CREB5: variants seen among roughly 807,000 people sequenced by gnomAD.
CREB5 encodes cAMP responsive element binding protein 5.
In CREB5, 19 loss-of-function variants were observed where a neutral mutation model predicts 57.1. The ratio of observed to expected loss-of-function variants is 0.33; its 90% CI spans 0.23 to 0.49. The LOEUF (loss-of-function observed/expected upper bound fraction) is 0.49, where lower values mean the gene tolerates loss of function less well. CREB5 is among the 20% of genes least tolerant of loss of function. CREB5 has a pLI of 0.99. For synonymous variants in CREB5, 238 were observed against 238.3 expected (o/e 1.00, Z 0.01); for missense variants, 579 against 671.6 (o/e 0.86, Z 1.52).
intron 1 of CREB5, among the ~76,000 whole-genome samples, chr7:28,330,117 A>G (rs149183838): frequency 6.6e-6 from 1 of 152,338 alleles, no homozygotes; most frequent in East Asian, 1.9e-4. Context: ...TTCAAAGGAC[A>G]TCTGCAAATC....
At chr7:28,767,120 G>A (rs1415747599) in intron 7 of CREB5, among the ~76,000 whole-genome samples, 1 of 152,176 alleles carries the variant, frequency 6.6e-6, no homozygotes, top group African/African-American at 2.4e-5. Flanking sequence ...AAGATCTTGT[G>A]TTTTGTCTTC....
intron 5 of CREB5, among the ~76,000 whole-genome samples, chr7:28,697,889 T>C (rs1325852148): frequency 1.3e-5 from 2 of 152,238 alleles, no homozygotes; most frequent in Non-Finnish European, 2.9e-5. Context: ...TTCAGCAGGT[T>C]CTTGATTTTT....
At position 28,809,723 on chromosome 7, in the gene CREB5, G is replaced by A. The variant is rs561911212; in HGVS notation, c.1254+309G>A. Among the ~76,000 whole-genome samples, 3 of 152,320 alleles carry A rather than the reference G, an allele frequency of 2.0e-5. No individual in the cohort carries two copies. In the South Asian group the frequency reaches 6.2e-4, roughly 32 times the overall value. ...CCATGGTTCAGCAATTACTTGCTAG[G>A]CTTAACTCTCTGGCTCTCAGTTTCT... is the stretch of plus-strand genomic sequence containing the variant. On this transcript the variant is annotated intron_variant, in intron 9 of 10. Coordinates refer to ENST00000357727, the MANE Select transcript of CREB5 (RefSeq NM_182898.4).
chr7:28,730,781 G>A (rs1803575557), intron 7 of CREB5, among the ~76,000 whole-genome samples: 1 of 152,286 alleles, frequency 6.6e-6, no homozygotes, highest in South Asian at 2.1e-4. Context: ...GACACAGAGA[G>A]GTTAAGTGAC....
chr7:28,808,022 C>T (rs1392215568), intron 8 of CREB5, among the ~76,000 whole-genome samples: 3 of 152,190 alleles, frequency 2.0e-5, no homozygotes, highest in African/African-American at 7.2e-5. Flanking sequence ...CATAGTAAAA[C>T]TTTTTAATAA....
chr7:28,507,788 A>G (rs772426759), intron 4 of CREB5, 51 bp downstream of exon 4: 1 of 1,554,314 alleles, frequency 6.4e-7, no homozygotes, highest in East Asian at 2.3e-5. Context: ...AGAAACTTCC[A>G]CGAGGAAACT....
chr7:28,697,672 G>A (rs977283656), intron 5 of CREB5, among the ~76,000 whole-genome samples: 10 of 152,246 alleles, frequency 6.6e-5, no homozygotes, highest in South Asian at 2.1e-4. Flanking sequence ...GCTAGGAATC[G>A]CAATTGGGAA....
chr7:28,547,259 A>G (rs570690936), intron 4 of CREB5, among the ~76,000 whole-genome samples: 2 of 152,326 alleles, frequency 1.3e-5, no homozygotes, highest in African/African-American at 4.8e-5. Context: ...AATTTACACT[A>G]ATAATATAGG....
intron 4 of CREB5, among the ~76,000 whole-genome samples, chr7:28,560,582 A>G (rs1795043482): frequency 6.6e-6 from 1 of 152,162 alleles, no homozygotes; most frequent in South Asian, 2.1e-4. Context: ...TGATCAGGAC[A>G]GGAGGTGACA....
intron 4 of CREB5, among the ~76,000 whole-genome samples, chr7:28,521,766 G>T (rs553982082): frequency 6.6e-6 from 1 of 152,266 alleles, no homozygotes; most frequent in Non-Finnish European, 1.5e-5. Flanking sequence ...ATACAGAAGG[G>T]CTGTTTTTAA....
intron 1 of CREB5, among the ~76,000 whole-genome samples, chr7:28,429,520 A>G (rs1036192153): frequency 2.5e-4 from 38 of 152,208 alleles, no homozygotes; most frequent in African/African-American, 8.4e-4. Flanking sequence ...TCCTGGTAAG[A>G]GGAAGCATCC....
At chr7:28,494,571 G>C (rs1289813244) in intron 2 of CREB5, among the ~76,000 whole-genome samples, 1 of 152,126 alleles carries the variant, frequency 6.6e-6, no homozygotes, top group African/African-American at 2.4e-5. Context: ...AGTTCCCAGG[G>C]AAGGTATAGA....
chr7:28,492,667 A>G (rs439054), intron 2 of CREB5, among the ~76,000 whole-genome samples: 109,560 of 150,312 alleles, frequency 0.73, 40,501 homozygotes, highest in African/African-American at 0.81. Context: ...AAAATGGCTT[A>G]TAGATATGAA....
At chr7:28,596,024 AT>A in intron 5 of CREB5, among the ~76,000 whole-genome samples, 1 of 152,190 alleles carries the variant, frequency 6.6e-6, no homozygotes, top group Non-Finnish European at 1.5e-5. Context: ...AAATCACAGT[AT>A]CATGCAATCC....
chr7:28,725,413 C>T (rs1803274723), intron 7 of CREB5, among the ~76,000 whole-genome samples: 1 of 152,196 alleles, frequency 6.6e-6, no homozygotes, highest in African/African-American at 2.4e-5. Flanking sequence ...CCAGTGCTGG[C>T]TACCTTGGGC....
chr7:28,672,913 G>A (rs1800121222), intron 5 of CREB5, among the ~76,000 whole-genome samples: 1 of 152,174 alleles, frequency 6.6e-6, no homozygotes, highest in African/African-American at 2.4e-5. Flanking sequence ...GTATTTTCCT[G>A]TTCTTTTTCC....
chr7:28,475,709 G>A (rs1169481129), intron 1 of CREB5, among the ~76,000 whole-genome samples: 1 of 152,138 alleles, frequency 6.6e-6, no homozygotes, highest in Non-Finnish European at 1.5e-5. Flanking sequence ...TTATCCAGGT[G>A]TCTTCTGAAC....
chr7:28,639,469 T>G (rs1798562266), intron 5 of CREB5, among the ~76,000 whole-genome samples: 2 of 152,230 alleles, frequency 1.3e-5, no homozygotes, highest in Non-Finnish European at 2.9e-5. Context: ...CTGCACATTT[T>G]TTCCTCAAAA....
intron 1 of CREB5, among the ~76,000 whole-genome samples, chr7:28,484,963 T>G (rs1791493504): frequency 6.6e-6 from 1 of 152,216 alleles, no homozygotes; most frequent in Non-Finnish European, 1.5e-5. Context: ...TCTAAGGTAT[T>G]TGCTGTAGCT....
Sources: allele counts gnomAD v4.1 joint callset (sites outside exome capture counted in the v4.1 genomes callset), GRCh38; gene constraint gnomAD v4.1.1; transcripts MANE v1.5; gene names NCBI Gene and HGNC (gene_info 2026-07-23, HGNC 2026-07-21).